Variants in NIBAN1 observed in about 807,000 individuals in gnomAD.
NIBAN1 encodes the protein niban apoptosis regulator 1, also known as protein Niban 1.
Under a neutral mutation model 75.1 loss-of-function variants are expected in NIBAN1, and 81 were observed. The ratio of observed to expected loss-of-function variants is 1.08; its 90% CI spans 0.90 to 1.30. The LOEUF (loss-of-function observed/expected upper bound fraction) is 1.30. Ranked by LOEUF, NIBAN1 falls within the 50% of genes most tolerant of loss-of-function variation. The probability of loss-of-function intolerance (pLI) is 0.00; values close to 1 mark genes in which losing one functional copy is unlikely to be tolerated. For missense variants in NIBAN1, 1,133 were observed against 1,128.1 expected (o/e 1.00, Z -0.06); for synonymous variants, 436 against 424.8 (o/e 1.03, Z -0.32).
rs186860030 is a variant in NIBAN1 at position 184,959,905 on chromosome 1, A to G, written c.55+14397T>C. ...AGAGACACATGATCTTCTGTTCTAG[A>G]AAATAAGCTTTTACTTGTTTAATAA... On this transcript the variant is annotated intron_variant, in intron 1 of 13. Coordinates refer to ENST00000367511, the MANE Select transcript of NIBAN1 (RefSeq NM_052966.4). 1.8e-3 allele frequency among the ~76,000 whole-genome samples: 268 copies of G among 152,328 alleles called. 1 individual carries two copies. Among genetic ancestry groups the G allele is most frequent in the African/African-American group, 6.4e-3 (264 of 41,568 alleles).
chr1:184,883,226 C>A (rs1656421340), intron 5 of NIBAN1, among the ~76,000 whole-genome samples: 1 of 152,192 alleles, frequency 6.6e-6, no homozygotes, highest in Non-Finnish European at 1.5e-5. Flanking sequence ...ATACAGGACT[C>A]CCCTGGAGAG....
chr1:184,875,542 G>A (rs1338397669), intron 5 of NIBAN1, among the ~76,000 whole-genome samples: 1 of 152,198 alleles, frequency 6.6e-6, no homozygotes, highest in East Asian at 1.9e-4. Flanking sequence ...TGATCCAAGA[G>A]AAAGTCAGGC....
At chr1:184,890,648 A>T (rs1390988241) in intron 3 of NIBAN1, among the ~76,000 whole-genome samples, 1 of 152,232 alleles carries the variant, frequency 6.6e-6, no homozygotes, top group East Asian at 1.9e-4. Context: ...AGGATGACTA[A>T]TGAGACTGTG....
At chr1:184,968,209 C>CA (rs1176738165) in intron 1 of NIBAN1, among the ~76,000 whole-genome samples, 450 of 8,730 alleles carry the variant, frequency 0.052, 127 homozygotes, top group Admixed American at 0.16. Flanking sequence ...GACTCCGTCT[C>CA]AAAAAAAAAA....
chr1:184,904,501 C>T (rs1193591240), intron 1 of NIBAN1, among the ~76,000 whole-genome samples: 1 of 152,186 alleles, frequency 6.6e-6, no homozygotes, highest in African/African-American at 2.4e-5. Flanking sequence ...TATACAGGCT[C>T]AAAAACTCAG....
intron 1 of NIBAN1, among the ~76,000 whole-genome samples, chr1:184,950,504 C>T (rs141039002): frequency 7.9e-5 from 12 of 152,282 alleles, no homozygotes; most frequent in South Asian, 2.1e-4. Context: ...TCATTATGCA[C>T]GCTTTCAGCA....
chr1:184,935,791 T>C (rs1038372197), intron 1 of NIBAN1, among the ~76,000 whole-genome samples: 2 of 53,070 alleles, frequency 3.8e-5, no homozygotes, highest in Non-Finnish European at 6.2e-5. Context: ...AGAGTTAGGG[T>C]TTTTTTTTTT....
intron 1 of NIBAN1, among the ~76,000 whole-genome samples, chr1:184,958,714 T>G (rs6659048): frequency 0.043 from 6,554 of 152,286 alleles, 220 homozygotes; most frequent in Admixed American, 0.068. Flanking sequence ...CATTTTTAGT[T>G]AGGAACTGAT....
intron 10 of NIBAN1, among the ~76,000 whole-genome samples, chr1:184,807,731 T>C (rs1654246042): frequency 6.6e-6 from 1 of 152,194 alleles, no homozygotes; most frequent in African/African-American, 2.4e-5. Flanking sequence ...AAAGGTTGCA[T>C]GCAGTGAGCC....
At chr1:184,835,142 C>T (rs1443456386) in intron 5 of NIBAN1, among the ~76,000 whole-genome samples, 1 of 152,166 alleles carries the variant, frequency 6.6e-6, no homozygotes, top group Non-Finnish European at 1.5e-5. Flanking sequence ...TGTCAAAGAT[C>T]AGATGGTTGT....
At chr1:184,974,200 C>T (rs1659014004) in intron 1 of NIBAN1, 102 bp downstream of exon 1, 1 of 1,228,250 alleles carries the variant, frequency 8.1e-7, no homozygotes, top group Admixed American at 4.2e-5. Flanking sequence ...CCGCGCGCTA[C>T]AGGGAGAGGG....
chr1:184,960,057 T>C (rs1391582199), intron 1 of NIBAN1, among the ~76,000 whole-genome samples: 1 of 152,210 alleles, frequency 6.6e-6, no homozygotes, highest in African/African-American at 2.4e-5. Context: ...TGTTAATCTT[T>C]GTACTCTATT....
intron 6 of NIBAN1, among the ~76,000 whole-genome samples, chr1:184,824,626 G>A (rs1049905197): frequency 6.6e-6 from 1 of 152,230 alleles, no homozygotes; most frequent in Non-Finnish European, 1.5e-5. Context: ...TGCTGGAGAT[G>A]CCAGGGGAAG....
At chr1:184,798,608 T>C (rs564560597) in intron 12 of NIBAN1, among the ~76,000 whole-genome samples, 6 of 152,336 alleles carry the variant, frequency 3.9e-5, no homozygotes, top group African/African-American at 1.2e-4. Context: ...CTTTCTTTTT[T>C]GTTTAATCAC....
chr1:184,814,878 G>A (rs1654483608), intron 9 of NIBAN1, among the ~76,000 whole-genome samples: 1 of 152,192 alleles, frequency 6.6e-6, no homozygotes, highest in African/African-American at 2.4e-5. Flanking sequence ...CCAGTGTTAA[G>A]CATGGACTCA....
At chr1:184,956,690 T>G (rs367670351) in intron 1 of NIBAN1, among the ~76,000 whole-genome samples, 7 of 152,216 alleles carry the variant, frequency 4.6e-5, no homozygotes, top group Non-Finnish European at 1.0e-4. Flanking sequence ...TTCAATAAAA[T>G]TGGTTTCTTT....
At chr1:184,843,764 A>C (rs926121305) in intron 5 of NIBAN1, among the ~76,000 whole-genome samples, 3 of 152,214 alleles carry the variant, frequency 2.0e-5, no homozygotes, top group African/African-American at 7.2e-5. Flanking sequence ...GGAGAAAAAA[A>C]TTACACCACA....
At position 184,794,227 on chromosome 1, in the gene NIBAN1, T is replaced by C. The variant is rs1247458441; in HGVS notation, c.*750A>G. 1 of 153,258 alleles carries C rather than the reference T, an allele frequency of 6.5e-6. No homozygotes were observed. Among genetic ancestry groups the C allele is most frequent in the Admixed American group, 6.5e-5 (1 of 15,378 alleles). 9.5% of individuals were successfully genotyped at this position (153,258 alleles called of 1,614,324 possible). A position where few individuals can be genotyped will look rare whatever the true frequency, so the allele number is the denominator to read the frequency against. On this transcript the variant is annotated 3_prime_UTR_variant, in exon 14 of 14. Coordinates refer to ENST00000367511, the MANE Select transcript of NIBAN1 (RefSeq NM_052966.4). ...CTAAGCCCTTTGCACAGTCTAAGCC[T>C]AATTTGGAATGCTTTCAGTCTTACC... is the stretch of plus-strand genomic sequence containing the variant.
At chr1:184,933,966 C>A (rs1451668998) in intron 1 of NIBAN1, among the ~76,000 whole-genome samples, 1 of 152,082 alleles carries the variant, frequency 6.6e-6, no homozygotes, top group African/African-American at 2.4e-5. Context: ...ACATACCGAA[C>A]CTTTACTGGA....
Sources: gnomAD v4.1 joint callset for allele counts (sites outside exome capture counted in the v4.1 genomes callset) on GRCh38, gnomAD v4.1.1 for gene constraint, MANE v1.5 for transcripts, NCBI Gene and HGNC (gene_info 2026-07-23, HGNC 2026-07-21) for gene names.